RAB7B: variants seen among roughly 807,000 people sequenced by gnomAD.
The protein encoded by RAB7B is RAB7B, member RAS oncogene family.
chr1:205,984,904 C>T (rs1048580339), intron 5 of RAB7B, among the ~76,000 whole-genome samples: 2 of 152,068 alleles, frequency 1.3e-5, no homozygotes, highest in African/African-American at 4.8e-5. Flanking sequence ...TCCTCCCAGC[C>T]CCCTCTCCTT....
intron 1 of RAB7B, chr1:205,994,583 G>T (rs1660778858): frequency 6.5e-6 from 1 of 153,202 alleles, no homozygotes; most frequent in Non-Finnish European, 1.5e-5. Flanking sequence ...GGATGGAAGA[G>T]TGCCCCTCCC....
At chr1:205,990,819 G>A (rs1404508115) in intron 4 of RAB7B, among the ~76,000 whole-genome samples, 9 of 130,082 alleles carry the variant, frequency 6.9e-5, no homozygotes, top group Admixed American at 2.7e-4. Context: ...ATGAAGTCTC[G>A]CATTGTTGCC....
At chr1:205,981,630 A>T (rs1030779747) in intron 5 of RAB7B, among the ~76,000 whole-genome samples, 884 of 59,290 alleles carry the variant, frequency 0.015, 37 homozygotes, top group Middle Eastern at 0.033. Context: ...TTAACTGAAC[A>T]CCTACTGTGG....
intron 4 of RAB7B, among the ~76,000 whole-genome samples, chr1:205,991,521 T>A (rs933125728): frequency 1.3e-5 from 2 of 152,238 alleles, no homozygotes; most frequent in Non-Finnish European, 2.9e-5. Flanking sequence ...AAACTCGCCA[T>A]GTCCAAACCA....
chr1:205,979,864 G>C (rs1332921003), intron 5 of RAB7B, among the ~76,000 whole-genome samples: 4 of 152,102 alleles, frequency 2.6e-5, no homozygotes, highest in African/African-American at 7.2e-5. Context: ...CTTCTCAGGG[G>C]GCAACTTCCA....
intron 4 of RAB7B, among the ~76,000 whole-genome samples, chr1:205,989,232 C>T (rs1660675491): frequency 1.3e-5 from 2 of 152,178 alleles, no homozygotes; most frequent in Admixed American, 6.5e-5. Flanking sequence ...CCAGCGCCCC[C>T]TCTTGCCTTC....
intron 5 of RAB7B, among the ~76,000 whole-genome samples, chr1:205,982,758 C>T (rs1361353647): frequency 5.3e-5 from 8 of 152,150 alleles, no homozygotes; most frequent in Non-Finnish European, 1.2e-4. Context: ...CCCACATTCT[C>T]CTCTCAAAAC....
intron 1 of RAB7B, among the ~76,000 whole-genome samples, chr1:205,998,417 C>T (rs1660841718): frequency 6.6e-6 from 1 of 152,168 alleles, no homozygotes. Flanking sequence ...GCCTCCTAAT[C>T]ACCAGAGTTT....
chr1:205,988,484 T>G (rs1660657293), intron 4 of RAB7B, among the ~76,000 whole-genome samples: 1 of 152,214 alleles, frequency 6.6e-6, no homozygotes, highest in South Asian at 2.1e-4. Flanking sequence ...ATCCCCCGAC[T>G]TTGGTCTCCC....
chr1:205,987,897 A>T (rs1016666653), intron 4 of RAB7B, among the ~76,000 whole-genome samples: 22 of 152,228 alleles, frequency 1.4e-4, no homozygotes, highest in South Asian at 2.1e-4. Context: ...AACACTTTTT[A>T]AAAAAATTTT....
At chr1:205,999,127 G>A (rs1189445665) in intron 1 of RAB7B, among the ~76,000 whole-genome samples, 1 of 152,212 alleles carries the variant, frequency 6.6e-6, no homozygotes, top group Non-Finnish European at 1.5e-5. Context: ...TAGTGCCCCT[G>A]TTAGAGAGCT....
chr1:205,978,783 C>A lies in RAB7B; in HGVS notation c.*68G>T. On this transcript the variant is annotated 3_prime_UTR_variant, in exon 6 of 6. Transcript: ENST00000617070. ...GGCTGGAGGGGGATGGTCACCTGTT[C>A]TCAAGCCTGGGGTGACCAGGCTCGG... 1 of 398,354 alleles carries A rather than the reference C, an allele frequency of 2.5e-6. No individual in the cohort carries two copies. The allele number at this position is 398,354 out of a possible 1,614,324, so 24.7% of individuals were successfully genotyped here.
intron 4 of RAB7B, among the ~76,000 whole-genome samples, chr1:205,988,923 T>C (rs1241188532): frequency 1.1e-4 from 16 of 152,142 alleles, no homozygotes; most frequent in Admixed American, 1.0e-3. Context: ...GGGCCGGCAC[T>C]TCCCAGCCTC....
intron 1 of RAB7B, among the ~76,000 whole-genome samples, chr1:205,997,809 C>T (rs934125827): frequency 2.0e-5 from 3 of 152,168 alleles, no homozygotes; most frequent in Non-Finnish European, 4.4e-5. Flanking sequence ...ATACAACGTG[C>T]TAACTTAGCT....
chr1:205,998,131 G>T (rs1045337118), intron 1 of RAB7B, among the ~76,000 whole-genome samples: 1 of 152,126 alleles, frequency 6.6e-6, no homozygotes, highest in Non-Finnish European at 1.5e-5. Context: ...CAAGGTGGGC[G>T]GATCATGAGG....
chr1:206,000,428 A>G (rs1660872556), intron 1 of RAB7B, among the ~76,000 whole-genome samples: 1 of 152,258 alleles, frequency 6.6e-6, no homozygotes. Context: ...CAAGAGAGTG[A>G]GGATGTCTGG....
At chr1:205,991,980 C>T (rs935482149) in intron 4 of RAB7B, among the ~76,000 whole-genome samples, 11 of 152,196 alleles carry the variant, frequency 7.2e-5, no homozygotes, top group Non-Finnish European at 1.5e-4. Context: ...ATTATTACTT[C>T]CCCAGAAAAC....
chr1:205,994,849 C>T (rs1660783397), intron 1 of RAB7B, among the ~76,000 whole-genome samples: 3 of 152,128 alleles, frequency 2.0e-5, no homozygotes, highest in African/African-American at 7.2e-5. Flanking sequence ...TAAATCATAG[C>T]ACACAATGAA....
At position 205,976,842 on chromosome 1, in the gene RAB7B, A is replaced by G. The variant is rs1246820725; in HGVS notation, c.*2009T>C. 6.6e-6 allele frequency: 1 copy of G among 152,252 alleles called. No individual in the cohort carries two copies. Among genetic ancestry groups the G allele is most frequent in the Non-Finnish European group, 1.5e-5 (1 of 68,040 alleles). The allele number at this position is 152,252 out of a possible 1,614,324, so 9.4% of individuals were successfully genotyped here. A position where few individuals can be genotyped will look rare whatever the true frequency, so the allele number is the denominator to read the frequency against. On this transcript the variant is annotated 3_prime_UTR_variant, in exon 6 of 6. Coordinates refer to ENST00000617070, the MANE Select transcript of RAB7B (RefSeq NM_001164522.3). Reference sequence around the variant, plus strand: ...CTGCTGCATGCACACCGCACGTGACAATCCAGTCTGCCTGACTCCCAGGAC... The same window carrying G: ...CTGCTGCATGCACACCGCACGTGACGATCCAGTCTGCCTGACTCCCAGGAC...
Sources: allele counts gnomAD v4.1 joint callset (sites outside exome capture counted in the v4.1 genomes callset), GRCh38; gene constraint gnomAD v4.1.1; transcripts MANE v1.5; gene names NCBI Gene and HGNC (gene_info 2026-07-23, HGNC 2026-07-21).